The following DLGAP1 variants were observed in gnomAD, a reference collection of about 807,000 sequenced individuals.
DLGAP1 encodes disks large-associated protein 1.
A neutral mutation model predicts 90.8 loss-of-function variants in DLGAP1; 11 were observed. The observed-to-expected ratio is 0.12, with a 90% CI of 0.08 to 0.20. The LOEUF (loss-of-function observed/expected upper bound fraction) is 0.20. Among genes scored for constraint, DLGAP1 ranks in the 10% least tolerant of loss-of-function variants. The pLI is 1.00. For missense variants in DLGAP1, 1,050 were observed against 1,333.8 expected (o/e 0.79, Z 3.31); for synonymous variants, 558 against 540.7 (o/e 1.03, Z -0.44).
At chr18:4,452,171 G>A (rs998867315) in intron 1 of DLGAP1, among the ~76,000 whole-genome samples, 1 of 152,042 alleles carries the variant, frequency 6.6e-6, no homozygotes, top group African/African-American at 2.4e-5. Context: ...GATAAACAGT[G>A]GAGCAATTTG....
chr18:4,320,737 C>G (rs1598893087), intron 1 of DLGAP1, among the ~76,000 whole-genome samples: 1 of 88,448 alleles, frequency 1.1e-5, no homozygotes, highest in Admixed American at 1.0e-4. Context: ...CACACACACA[C>G]ACACACACAC....
At chr18:3,542,738 G>A (rs145790859) in intron 9 of DLGAP1, among the ~76,000 whole-genome samples, 109 of 152,304 alleles carry the variant, frequency 7.2e-4, no homozygotes, top group Middle Eastern at 6.8e-3. Context: ...AACACTTTCA[G>A]TTGTGAAGAT....
At chr18:3,695,016 T>C (rs2061043308) in intron 7 of DLGAP1, among the ~76,000 whole-genome samples, 1 of 150,314 alleles carries the variant, frequency 6.7e-6, no homozygotes, top group Non-Finnish European at 1.5e-5. Flanking sequence ...CTTGGCTCAC[T>C]GCAAGCTCCG....
Position 3,823,363 on chromosome 18 carries a change from C to T in DLGAP1, c.958-9090G>A, listed in dbSNP as rs117973544. Reference sequence around the variant, plus strand: ...GGATGCATGTGACCTTAGGACTTGTCGGTAGCCATTTTATAACATCTAATA... The same window carrying T: ...GGATGCATGTGACCTTAGGACTTGTTGGTAGCCATTTTATAACATCTAATA... On this transcript the variant is annotated intron_variant, in intron 4 of 12. Transcript: ENST00000315677. 1.3e-3 allele frequency among the ~76,000 whole-genome samples: 192 copies of T among 152,290 alleles called. 2 individuals are homozygous for T. The East Asian group carries it at 0.036, about 28-fold the overall frequency.
At chr18:3,895,047 T>C (rs2071580710) in intron 3 of DLGAP1, among the ~76,000 whole-genome samples, 1 of 152,178 alleles carries the variant, frequency 6.6e-6, no homozygotes, top group Non-Finnish European at 1.5e-5. Flanking sequence ...CAGTGCCATG[T>C]GGTAAATTCC....
chr18:4,431,807 T>C (rs867183872), intron 1 of DLGAP1, among the ~76,000 whole-genome samples: 1 of 152,218 alleles, frequency 6.6e-6, no homozygotes, highest in African/African-American at 2.4e-5. Flanking sequence ...TCTTATTAGA[T>C]TGGCTATGTA....
At chr18:4,101,549 T>C (rs913149369) in intron 2 of DLGAP1, among the ~76,000 whole-genome samples, 10 of 152,130 alleles carry the variant, frequency 6.6e-5, no homozygotes, top group Non-Finnish European at 1.0e-4. Flanking sequence ...ATAGCACTGA[T>C]AGACTCGCAT....
intron 1 of DLGAP1, among the ~76,000 whole-genome samples, chr18:4,186,844 AT>A (rs1312752781): frequency 3.3e-5 from 5 of 152,116 alleles, no homozygotes; most frequent in African/African-American, 1.2e-4. Context: ...GAATCTGTAA[AT>A]TGCTTTGGTC....
chr18:3,819,577 GA>G (rs1212425712), intron 4 of DLGAP1, among the ~76,000 whole-genome samples: 2 of 151,966 alleles, frequency 1.3e-5, no homozygotes, highest in African/African-American at 4.8e-5. Flanking sequence ...CATGAGTTTG[GA>G]AAAAAACATA....
chr18:3,891,875 A>T (rs2071469815), intron 3 of DLGAP1: 1 of 151,986 alleles, frequency 6.6e-6, no homozygotes, highest in Non-Finnish European at 1.5e-5. Context: ...CACAGCTAGG[A>T]CTACAGGAAT....
chr18:3,548,018 A>C (rs532914), intron 9 of DLGAP1, among the ~76,000 whole-genome samples: 1 of 152,218 alleles, frequency 6.6e-6, no homozygotes, highest in East Asian at 1.9e-4. Flanking sequence ...TGTATGATTC[A>C]ATTTATAAGA....
At chr18:3,696,410 G>A (rs921416444) in intron 7 of DLGAP1, among the ~76,000 whole-genome samples, 2 of 152,108 alleles carry the variant, frequency 1.3e-5, no homozygotes, top group Admixed American at 1.3e-4. Context: ...GTGTGAAGTG[G>A]TGTTGAATTT....
chr18:4,275,947 G>T (rs1210801213), intron 1 of DLGAP1, among the ~76,000 whole-genome samples: 1 of 152,002 alleles, frequency 6.6e-6, no homozygotes, highest in Non-Finnish European at 1.5e-5. Flanking sequence ...CTTGAACTGA[G>T]ATATGAACTA....
chr18:3,583,184 A>ACCTACCTTCCTTCCTTCCTTCCTT (rs1555688608), intron 7 of DLGAP1, among the ~76,000 whole-genome samples: 3 of 127,702 alleles, frequency 2.3e-5, no homozygotes, highest in African/African-American at 9.5e-5. Context: ...CTACCTACCT[A>ACCTACCTTCCTTCCTTCCTTCCTT]CCTTCCTTCC....
rs557512931 is a variant in DLGAP1, at chr18:3,916,684, A to G, written c.-72-36544T>C. The stretch of plus-strand genomic sequence containing the variant: ...CATGCACAATGTAATATCTTCACCA[A>G]TGAGACACAGACCTCAGAGTCTGTG... On this transcript the variant is annotated intron_variant, in intron 3 of 12. Transcript: ENST00000315677. Among the ~76,000 whole-genome samples, 3 of 152,250 alleles carry G rather than the reference A, an allele frequency of 2.0e-5. No homozygotes were observed. In the South Asian group the frequency reaches 6.2e-4, roughly 32 times the overall value.
chr18:3,675,729 G>C (rs963745941), intron 7 of DLGAP1, among the ~76,000 whole-genome samples: 1 of 152,196 alleles, frequency 6.6e-6, no homozygotes, highest in East Asian at 1.9e-4. Context: ...TTTCCATTAA[G>C]GCCTTTGCAG....
intron 7 of DLGAP1, among the ~76,000 whole-genome samples, chr18:3,628,087 G>A (rs2058371720): frequency 6.6e-6 from 1 of 151,818 alleles, no homozygotes; most frequent in Admixed American, 6.6e-5. Context: ...TGTTGGCCAG[G>A]CTGGTCTCGA....
intron 3 of DLGAP1, among the ~76,000 whole-genome samples, chr18:4,004,795 T>C (rs569879491): frequency 6.6e-6 from 1 of 152,224 alleles, no homozygotes; most frequent in Admixed American, 6.5e-5. Context: ...AATAGAGCAT[T>C]GATTTCTGAT....
At chr18:3,716,514 T>A (rs1281794192) in intron 7 of DLGAP1, among the ~76,000 whole-genome samples, 1 of 150,638 alleles carries the variant, frequency 6.6e-6, no homozygotes. Context: ...CCAGCCTGGG[T>A]GACACAGTGA....
Sources: allele counts gnomAD v4.1 joint callset (sites outside exome capture counted in the v4.1 genomes callset), GRCh38; gene constraint gnomAD v4.1.1; transcripts MANE v1.5; gene names NCBI Gene and HGNC (gene_info 2026-07-23, HGNC 2026-07-21).